ATP2A3: variants seen among roughly 807,000 people sequenced by gnomAD.
The protein encoded by ATP2A3 is sarcoplasmic/endoplasmic reticulum calcium ATPase 3.
In ATP2A3, 61 loss-of-function variants were observed where a neutral mutation model predicts 106.8. The observed-to-expected ratio is 0.57, with a 90% CI of 0.46 to 0.71. The LOEUF is 0.71. ATP2A3 is among the 30% of genes least tolerant of loss of function. The probability of loss-of-function intolerance (pLI) is 0.00; values close to 1 mark genes in which losing one functional copy is unlikely to be tolerated. For synonymous variants in ATP2A3, 611 were observed against 609.3 expected (o/e 1.00, Z -0.04); for missense variants, 1,201 against 1,423.5 (o/e 0.84, Z 2.52).
intron 16 of ATP2A3, among the ~76,000 whole-genome samples, chr17:3,935,600 C>T (rs1042786363): frequency 2.1e-5 from 3 of 144,176 alleles, no homozygotes; most frequent in African/African-American, 7.8e-5. Flanking sequence ...TGCAATGGTG[C>T]CATCTCGGCT....
rs1174008086 is a variant in ATP2A3 at position 3,940,031 on chromosome 17, C to CT, written c.2100+939dup. 1.5e-3 allele frequency among the ~76,000 whole-genome samples: 146 copies of CT among 96,416 alleles called. 8 individuals are homozygous for CT. Among genetic ancestry groups the CT allele is most frequent in the Admixed American group, 1.9e-3 (17 of 8,902 alleles). The allele number at this position is 96,416 out of a possible 152,430, so 63.3% of individuals were successfully genotyped here. Reference sequence around the variant, plus strand: ...ATGGGTTGATGGTAATGTGTCATATCTTTTTTTTTTTGTTTTTTGTTTTTT... The same window carrying CT: ...ATGGGTTGATGGTAATGTGTCATATCTTTTTTTTTTTTGTTTTTTGTTTTTT... On this transcript the variant is annotated intron_variant, in intron 14 of 20. Coordinates refer to ENST00000397041, the MANE Select transcript of ATP2A3 (RefSeq NM_005173.4).
intron 1 of ATP2A3, among the ~76,000 whole-genome samples, chr17:3,962,295 T>C (rs1444601506): frequency 6.6e-6 from 1 of 152,214 alleles, no homozygotes; most frequent in African/African-American, 2.4e-5. Context: ...TGGTTTAACC[T>C]CTGGGTGCCT....
In ATP2A3 at chr17:3,947,719, A is replaced by C; in HGVS notation, c.767T>G (p.Phe256Cys). The C allele has an allele frequency of 6.2e-7, 1 of 1,610,762 alleles. No homozygotes were observed. The highest frequency in any genetic ancestry group is 1.3e-5 in the African/African-American group (1 of 75,050). ...RTPLQRKLDE[F>C]GRQLSHAISV... ...GATGGCGTGGGACAGCTGCCGTCCA[A>C]ACTCGTCCAGCTTGCGCTGCAGCGG... Residue 256 changes from phenylalanine to cysteine, a missense_variant, in exon 8 of 21, where the codon TTT becomes TGT. Phe to Cys is a radical substitution (Grantham distance 205, BLOSUM62 -2). Coordinates refer to ENST00000397041, the MANE Select transcript of ATP2A3 (RefSeq NM_005173.4). This position sits in a 1 kb window ranked among gnomAD's most constrained non-coding sequence, Gnocchi z 7.7.
At chr17:3,945,382 A>G in intron 8 of ATP2A3, 1 of 453,540 alleles carries the variant, frequency 2.2e-6, no homozygotes, top group Non-Finnish European at 4.0e-6. Flanking sequence ...TGGACTTCTG[A>G]GGGATTTATG....
intron 17 of ATP2A3, among the ~76,000 whole-genome samples, chr17:3,931,706 G>A (rs878947016): frequency 5.3e-5 from 8 of 152,036 alleles, no homozygotes; most frequent in Middle Eastern, 3.4e-3. Flanking sequence ...TATTTTTAGT[G>A]GAGACGGGGT....
chr17:3,950,722 G>A lies in ATP2A3; in HGVS notation c.515C>T (p.Thr172Met), dbSNP rs376646296. The A allele has an allele frequency of 2.2e-5, 36 of 1,613,982 alleles. No homozygotes were observed. The highest frequency in any genetic ancestry group is 2.0e-4 in the East Asian group (9 of 44,882). Residue 172 changes from threonine (T) to methionine (M), a missense_variant, in exon 6 of 21, where the codon ACG becomes ATG. Transcript: ENST00000397041. ...CAGGATGGACTGGTCCACTCGCAGC[G>A]TGGTGGACTTGATCTCGATGAGGCG... ...DLRLIEIKST[T>M]LRVDQSILTG... is the part of the protein sequence containing the mutation.
Position 3,928,422 on chromosome 17 carries a change from C to T in ATP2A3, c.2980+241G>A. 3 of 1,262,054 alleles carry T rather than the reference C, an allele frequency of 2.4e-6. No individual in the cohort carries two copies. Among genetic ancestry groups the T allele is most frequent in the Admixed American group, 3.9e-5 (2 of 51,900 alleles). 78.2% of individuals were successfully genotyped at this position (1,262,054 alleles called of 1,614,324 possible). On this transcript the variant is annotated intron_variant, in intron 20 of 20. Transcript: ENST00000397041. This position sits in a 1 kb window ranked among gnomAD's most constrained non-coding sequence, Gnocchi z 6.1. ...AGGTGAAGACAGTGAGGCAGTGTGG[C>T]CCAAGAGGTGCTCCCGTTGCTGGCC...
At chr17:3,946,162 C>T (rs1044493741) in intron 8 of ATP2A3, among the ~76,000 whole-genome samples, 6 of 150,706 alleles carry the variant, frequency 4.0e-5, no homozygotes, top group South Asian at 4.2e-4. Context: ...GCAAGAGAAT[C>T]GCCTGAACCC....
Position 3,930,311 on chromosome 17 carries a change from C to T in ATP2A3, c.2734G>A (p.Ala912Thr). ...SVLVTIEMCN[A>T]LNSVSENQSL... ...CTGCGCCCAGCCTACCTGTTGAGGGCATTGCACATTTCAATGGTCACGAGC... is the reference window on the plus strand; with the variant it reads ...CTGCGCCCAGCCTACCTGTTGAGGGTATTGCACATTTCAATGGTCACGAGC... The change falls in exon 18 of 21, where the codon GCC becomes ACC. Residue 912 changes from alanine (A) to threonine (T), a missense_variant. By Grantham distance (58) the Ala-to-Thr change is moderately conservative. Transcript: ENST00000397041. This position sits in a 1 kb window ranked among gnomAD's most constrained non-coding sequence, Gnocchi z 5.4. The T allele has an allele frequency of 6.3e-7, 1 of 1,596,990 alleles. No homozygotes were observed. Among genetic ancestry groups the T allele is most frequent in the Non-Finnish European group, 8.5e-7 (1 of 1,171,842 alleles).
chr17:3,944,732 C>T lies in ATP2A3; in HGVS notation c.1259G>A (p.Cys420Tyr). 2 of 1,613,352 alleles carry T rather than the reference C, an allele frequency of 1.2e-6. No homozygotes were observed. The highest frequency in any genetic ancestry group is 8.5e-7 in the Non-Finnish European group (1 of 1,179,706). Residue 420 changes from cysteine (C) to tyrosine (Y), a missense_variant, in exon 10 of 21, where the codon TGC (cysteine) becomes TAC (tyrosine). Cys to Tyr is a radical substitution (Grantham distance 194). This residue lies in a region of ATP2A3 where 935 missense variants were observed against 1,176.7 expected (regional missense o/e 0.79). Coordinates refer to ENST00000397041, the MANE Select transcript of ATP2A3 (RefSeq NM_005173.4). Reference protein sequence around the residue: ...LVELATICALCNDSALDYNEA... With the variant: ...LVELATICALYNDSALDYNEA... ...GTTGTAGTCCAGAGCCGAGTCGTTG[C>T]ACAGGGCGCAGATGGTCGCCAGCTC... is the stretch of plus-strand genomic sequence containing the variant.
chr17:3,933,922 CTT>C (rs2053267819), intron 17 of ATP2A3, among the ~76,000 whole-genome samples: 1 of 145,362 alleles, frequency 6.9e-6, no homozygotes, highest in Non-Finnish European at 1.5e-5. Flanking sequence ...GTTTTCTTTT[CTT>C]TTCTTTTTTT....
Position 3,944,717 on chromosome 17 carries a change from A to AGCGCC in ATP2A3, c.1273_1274insGGCGC (p.Leu425ArgfsTer23). The AGCGCC allele has an allele frequency of 6.2e-7, 1 of 1,613,312 alleles. No individual in the cohort carries two copies. Among genetic ancestry groups the AGCGCC allele is most frequent in the Non-Finnish European group, 8.5e-7 (1 of 1,179,664 alleles). ...GGTGAGGCCCACCTCGTTGTAGTCC[A>AGCGCC]GAGCCGAGTCGTTGCACAGGGCGCA... is the stretch of plus-strand genomic sequence containing the variant. On this transcript the variant is annotated frameshift_variant, in exon 10 of 21. Coordinates refer to ENST00000397041, the MANE Select transcript of ATP2A3 (RefSeq NM_005173.4). LOFTEE classifies it high-confidence loss of function.
At position 3,953,760 on chromosome 17, in the gene ATP2A3, G is replaced by A. The variant is rs1202072316; in HGVS notation, c.119-50C>T. 8 of 1,556,428 alleles carry A rather than the reference G, an allele frequency of 5.1e-6. No homozygotes were observed. The highest frequency in any genetic ancestry group is 7.0e-6 in the Non-Finnish European group (8 of 1,148,820). On this transcript the variant is annotated intron_variant, in intron 1 of 20. Coordinates refer to ENST00000397041, the MANE Select transcript of ATP2A3 (RefSeq NM_005173.4). The surrounding 1 kb of genome is among the most constrained non-coding windows in gnomAD (Gnocchi z 5.1). Reference sequence around the variant, plus strand: ...AGCCATGAGGAGACAAGAGAGGAGTGGGTCACGCAGGGGCCTCGGGGGAGT... The same window carrying A: ...AGCCATGAGGAGACAAGAGAGGAGTAGGTCACGCAGGGGCCTCGGGGGAGT...
At chr17:3,937,377 G>A (rs747715750) in intron 15 of ATP2A3, 39 bp downstream of exon 15, 67 of 1,593,112 alleles carry the variant, frequency 4.2e-5, no homozygotes, top group South Asian at 1.3e-4. Context: ...GGCACAGAGC[G>A]GATTGAGAGG....
chr17:3,949,066 T>A (rs2054272099), intron 7 of ATP2A3, among the ~76,000 whole-genome samples: 1 of 142,736 alleles, frequency 7.0e-6, no homozygotes, highest in Non-Finnish European at 1.5e-5. Flanking sequence ...AGGCGGAAGT[T>A]GCAGTGAGCT....
chr17:3,926,901 T>C lies in ATP2A3; in HGVS notation c.2981-1460A>G, dbSNP rs1317775991. 1.5e-5 allele frequency: 15 copies of C among 985,342 alleles called. No individual in the cohort carries two copies. Among genetic ancestry groups the C allele is most frequent in the Non-Finnish European group, 1.8e-5 (15 of 829,944 alleles). The allele number at this position is 985,342 out of a possible 1,614,324, so 61.0% of individuals were successfully genotyped here. ...CTCACCCCCTCTTGCCTGTCCTCCATGGTTGACACAGTCCGCACCGTGCTT... is the reference window on the plus strand; with the variant it reads ...CTCACCCCCTCTTGCCTGTCCTCCACGGTTGACACAGTCCGCACCGTGCTT... On this transcript the variant is annotated intron_variant, in intron 20 of 20. Coordinates refer to ENST00000397041, the MANE Select transcript of ATP2A3 (RefSeq NM_005173.4). The surrounding 1 kb of genome is among the most constrained non-coding windows in gnomAD (Gnocchi z 4.6).
Position 3,947,917 on chromosome 17 carries a change from G to A in ATP2A3, c.631-62C>T. On this transcript the variant is annotated intron_variant, in intron 7 of 20. Transcript: ENST00000397041. The surrounding 1 kb of genome is among the most constrained non-coding windows in gnomAD (Gnocchi z 7.7). Reference sequence around the variant, plus strand: ...AGCCAACCAGGGGCCCAGGACCCCTGACTCCTTCAGGCCGGAATAAGGCAC... The same window carrying A: ...AGCCAACCAGGGGCCCAGGACCCCTAACTCCTTCAGGCCGGAATAAGGCAC... 1 of 1,517,796 alleles carries A rather than the reference G, an allele frequency of 6.6e-7. No homozygotes were observed. The highest frequency in any genetic ancestry group is 9.0e-7 in the Non-Finnish European group (1 of 1,110,746). 94.0% of individuals were successfully genotyped at this position (1,517,796 alleles called of 1,614,324 possible).
At position 3,932,695 on chromosome 17, in the gene ATP2A3, A is replaced by T. The variant is rs183346476; in HGVS notation, c.2611-2261T>A. The stretch of plus-strand genomic sequence containing the variant: ...GCTCAAGTGATCTGCCCGCCTTGGC[A>T]TCCCAGAGTGCTGGGATTATAGGCG... On this transcript the variant is annotated intron_variant, in intron 17 of 20. Coordinates refer to ENST00000397041, the MANE Select transcript of ATP2A3 (RefSeq NM_005173.4). Among the ~76,000 whole-genome samples the T allele has an allele frequency of 5.5e-3, 817 of 149,696 alleles. 7 individuals are homozygous for T. The highest frequency in any genetic ancestry group is 0.02 in the African/African-American group (771 of 39,106).
At chr17:3,961,499 T>C (rs2055134726) in intron 1 of ATP2A3, among the ~76,000 whole-genome samples, 1 of 134,582 alleles carries the variant, frequency 7.4e-6, no homozygotes, top group South Asian at 2.6e-4. Flanking sequence ...GAAGTGTCTG[T>C]GTGCAGTGAG....
Sources: allele counts gnomAD v4.1 joint callset (sites outside exome capture counted in the v4.1 genomes callset), GRCh38; gene constraint gnomAD v4.1.1; regional missense constraint gnomAD v4.1.1; non-coding constraint Gnocchi (gnomAD v3.1); transcripts MANE v1.5; gene names NCBI Gene and HGNC (gene_info 2026-07-23, HGNC 2026-07-21).